The following NTRK2 variants were observed in gnomAD, a reference collection of about 807,000 sequenced individuals.
The protein encoded by NTRK2 is neurotrophic receptor tyrosine kinase 2.
A neutral mutation model predicts 94.5 loss-of-function variants in NTRK2; 13 were observed. The ratio of observed to expected loss-of-function variants is 0.14; its 90% CI spans 0.09 to 0.22. The LOEUF (loss-of-function observed/expected upper bound fraction) is 0.22, where lower values mean the gene tolerates loss of function less well. Ranked by LOEUF, NTRK2 falls within the 10% of genes least tolerant of loss-of-function variation. The pLI is 1.00. For missense variants in NTRK2, 639 were observed against 1,071.2 expected, an observed-to-expected ratio of 0.60 and a Z score of 5.63; for synonymous variants, 372 against 407.4, an observed-to-expected ratio of 0.91 and a Z score of 1.05.
chr9:84,939,153 C>T (rs2078318327), intron 15 of NTRK2, among the ~76,000 whole-genome samples: 1 of 150,392 alleles, frequency 6.6e-6, no homozygotes, highest in Admixed American at 6.6e-5. Context: ...TAGTCATAGA[C>T]TTTTATAGCT....
chr9:84,672,458 C>T (rs886256539), intron 2 of NTRK2, among the ~76,000 whole-genome samples: 8 of 152,160 alleles, frequency 5.3e-5, no homozygotes, highest in African/African-American at 1.9e-4. Context: ...GGTCCAAAGT[C>T]TGTGGCCTTT....
At chr9:84,864,362 G>A (rs903615795) in intron 13 of NTRK2, among the ~76,000 whole-genome samples, 4 of 152,094 alleles carry the variant, frequency 2.6e-5, no homozygotes, top group African/African-American at 9.7e-5. Context: ...GGAAAGGGTG[G>A]GAGGGGGGTG....
chr9:85,017,601 T>C (rs985136972), intron 17 of NTRK2, among the ~76,000 whole-genome samples: 1 of 152,242 alleles, frequency 6.6e-6, no homozygotes, highest in African/African-American at 2.4e-5. Context: ...GTTTGTTCTT[T>C]CCTGCCAAAC....
intron 12 of NTRK2, among the ~76,000 whole-genome samples, chr9:84,772,552 C>CTGATGT (rs2066661427): frequency 6.6e-6 from 1 of 152,266 alleles, no homozygotes; most frequent in East Asian, 1.9e-4. Flanking sequence ...ATATGCCAGC[C>CTGATGT]ACAGGGAATC....
chr9:84,700,782 T>C (rs563429744), intron 2 of NTRK2, among the ~76,000 whole-genome samples: 1 of 152,212 alleles, frequency 6.6e-6, no homozygotes, highest in Non-Finnish European at 1.5e-5. Context: ...ATATTTGTTT[T>C]CAGTGTCTTA....
chr9:84,731,096 G>A (rs922842646), intron 9 of NTRK2, among the ~76,000 whole-genome samples: 5 of 151,988 alleles, frequency 3.3e-5, no homozygotes, highest in Non-Finnish European at 5.9e-5. Context: ...TAATTAATGT[G>A]ACATCTCTGG....
chr9:84,681,376 C>T (rs763287776), intron 2 of NTRK2, among the ~76,000 whole-genome samples: 18 of 152,202 alleles, frequency 1.2e-4, no homozygotes, highest in East Asian at 9.6e-4. Flanking sequence ...TCACATATTA[C>T]GTCTTGTCAA....
Position 84,919,430 on chromosome 9 carries a change from G to A in NTRK2, c.1634-14732G>A, listed in dbSNP as rs1002639945. 1.1e-4 allele frequency among the ~76,000 whole-genome samples: 16 copies of A among 152,094 alleles called. 1 individual carries two copies. Among genetic ancestry groups the A allele is most frequent in the Admixed American group, 8.5e-4 (13 of 15,274 alleles). ...AGAATGCCTAGTATGCTCCTCTTGT[G>A]TACAGAATATTGAACTTGGAATTGA... is the stretch of plus-strand genomic sequence containing the variant. On this transcript the variant is annotated intron_variant, in intron 14 of 18. Coordinates refer to ENST00000277120, the MANE Select transcript of NTRK2 (RefSeq NM_006180.6).
chr9:84,924,790 A>G (rs936076003), intron 14 of NTRK2, among the ~76,000 whole-genome samples: 3 of 152,110 alleles, frequency 2.0e-5, no homozygotes, highest in African/African-American at 7.2e-5. Context: ...CTCCACTCCT[A>G]TGGACACTTG....
At chr9:84,776,810 G>T (rs2067093412) in intron 12 of NTRK2, among the ~76,000 whole-genome samples, 2 of 152,326 alleles carry the variant, frequency 1.3e-5, no homozygotes, top group South Asian at 2.1e-4. Flanking sequence ...TAGGGAATCT[G>T]AATCTTTTAA....
rs1456152062 is a variant in NTRK2 at position 85,021,267 on chromosome 9, A to T, written c.2347A>T (p.Thr783Ser). The change falls in exon 19 of 19, where the codon ACT becomes TCT. Residue 783 changes from threonine (T) to serine (S), a missense_variant. This residue lies in a region of NTRK2 where 77 missense variants were observed against 203.6 expected (regional missense o/e 0.38). Coordinates refer to ENST00000277120, the MANE Select transcript of NTRK2 (RefSeq NM_006180.6). ...CTCCATCCAGGTGATAGAGTGTATCACTCAGGGCCGAGTCCTGCAGCGACC... is the reference window on the plus strand; with the variant it reads ...CTCCATCCAGGTGATAGAGTGTATCTCTCAGGGCCGAGTCCTGCAGCGACC... ...LSNNEVIECI[T>S]QGRVLQRPRT... is the part of the protein sequence containing the mutation. 6.2e-7 allele frequency: 1 copy of T among 1,613,772 alleles called. No individual in the cohort carries two copies. The highest frequency in any genetic ancestry group is 8.5e-7 in the Non-Finnish European group (1 of 1,179,964).
chr9:84,771,172 A>G (rs1015763890), intron 12 of NTRK2, among the ~76,000 whole-genome samples: 2 of 152,208 alleles, frequency 1.3e-5, no homozygotes, highest in Admixed American at 6.5e-5. Context: ...TGGTTCATAG[A>G]AACACAAAAT....
chr9:84,871,352 C>A (rs1357704642), intron 14 of NTRK2, among the ~76,000 whole-genome samples: 1 of 151,982 alleles, frequency 6.6e-6, no homozygotes, highest in Non-Finnish European at 1.5e-5. Context: ...ATGTGGATTC[C>A]CCAAGATTTA....
intron 12 of NTRK2, chr9:84,815,406 C>T (rs2072287531): frequency 4.8e-6 from 5 of 1,043,378 alleles, no homozygotes; most frequent in Non-Finnish European, 5.8e-6. Context: ...AGTATAAACA[C>T]ATACAAAGTA....
chr9:84,805,759 G>C (rs762716226), intron 12 of NTRK2, among the ~76,000 whole-genome samples: 4 of 152,196 alleles, frequency 2.6e-5, no homozygotes, highest in African/African-American at 9.7e-5. Context: ...GAATAGATGG[G>C]TTCATTCATG....
At chr9:84,699,708 C>G (rs145157326) in intron 2 of NTRK2, among the ~76,000 whole-genome samples, 1,922 of 148,880 alleles carry the variant, frequency 0.013, 24 homozygotes, top group Non-Finnish European at 0.019. Context: ...AAATTGAATT[C>G]CGGGCTCCGT....
chr9:85,020,488 C>A, intron 18 of NTRK2, 124 bp downstream of exon 18: 2 of 955,554 alleles, frequency 2.1e-6, no homozygotes, highest in South Asian at 1.3e-5. Flanking sequence ...TTGTTGGTGG[C>A]AGCACTTCCC....
intron 6 of NTRK2, among the ~76,000 whole-genome samples, chr9:84,720,194 G>A (rs1156664897): frequency 6.6e-6 from 1 of 152,152 alleles, no homozygotes; most frequent in African/African-American, 2.4e-5. Flanking sequence ...CTACTACAAT[G>A]CTTAGAGTGT....
intron 6 of NTRK2, among the ~76,000 whole-genome samples, chr9:84,722,587 T>A (rs1048997687): frequency 1.3e-5 from 2 of 152,062 alleles, no homozygotes; most frequent in Admixed American, 1.3e-4. Flanking sequence ...CCAAGCAGAG[T>A]TCCTGACACC....
Sources: gnomAD v4.1 joint callset for allele counts (sites outside exome capture counted in the v4.1 genomes callset) on GRCh38, gnomAD v4.1.1 for gene constraint, gnomAD v4.1.1 regional missense constraint, MANE v1.5 for transcripts, NCBI Gene and HGNC (gene_info 2026-07-23, HGNC 2026-07-21) for gene names.